The following SEMA5A variants were observed in gnomAD, a reference collection of about 807,000 sequenced individuals.
SEMA5A encodes the protein semaphorin-5A.
In SEMA5A, 55 loss-of-function variants were observed where a neutral mutation model predicts 135.5. The ratio of observed to expected loss-of-function variants is 0.41; its 90% CI spans 0.33 to 0.51. The LOEUF (loss-of-function observed/expected upper bound fraction) is 0.51, where lower values mean the gene tolerates loss of function less well. SEMA5A is among the 20% of genes least tolerant of loss of function. The probability of loss-of-function intolerance (pLI) is 0.37; values close to 1 mark genes in which losing one functional copy is unlikely to be tolerated. For synonymous variants in SEMA5A, 580 were observed against 546.5 expected (o/e 1.06, Z -0.85); for missense variants, 1,290 against 1,419.9 (o/e 0.91, Z 1.47).
chr5:9,463,523 A>C (rs1414486502), intron 1 of SEMA5A, among the ~76,000 whole-genome samples: 1 of 152,136 alleles, frequency 6.6e-6, no homozygotes, highest in East Asian at 1.9e-4. Flanking sequence ...AGCCTGAGTA[A>C]ACATAGTGAA....
intron 1 of SEMA5A, among the ~76,000 whole-genome samples, chr5:9,451,580 C>T (rs978620902): frequency 6.6e-6 from 1 of 152,140 alleles, no homozygotes; most frequent in African/African-American, 2.4e-5. Flanking sequence ...TAAGGTAAAC[C>T]ACCAAACCAT....
intron 1 of SEMA5A, chr5:9,517,946 G>A (rs376249495): frequency 6.6e-6 from 1 of 152,114 alleles, no homozygotes; most frequent in Non-Finnish European, 1.5e-5. Flanking sequence ...CAGAAGCAAC[G>A]ATTTGCCTCA....
intron 2 of SEMA5A, among the ~76,000 whole-genome samples, chr5:9,390,464 T>C (rs1756111811): frequency 6.6e-6 from 1 of 152,190 alleles, no homozygotes; most frequent in Non-Finnish European, 1.5e-5. Flanking sequence ...GGTTAAGAAA[T>C]ACAAATACCT....
chr5:9,229,876 T>C (rs1368232861), intron 6 of SEMA5A, among the ~76,000 whole-genome samples: 1 of 152,212 alleles, frequency 6.6e-6, no homozygotes, highest in Non-Finnish European at 1.5e-5. Context: ...AGCAAGGGCC[T>C]CCAGTCAATT....
At chr5:9,109,028 A>ATTTTTTTTTTTTTTTTTTTTTTTTTT (rs67762219) in intron 15 of SEMA5A, among the ~76,000 whole-genome samples, 1 of 92,440 alleles carries the variant, frequency 1.1e-5, no homozygotes, top group African/African-American at 4.6e-5. Context: ...TTTCTCTTCA[A>ATTTTTTTTTTTTTTTTTTTTTTTTTT]TTTTTTTTTT....
intron 5 of SEMA5A, among the ~76,000 whole-genome samples, chr5:9,312,680 A>G (rs925089838): frequency 2.0e-5 from 3 of 152,136 alleles, no homozygotes; most frequent in Non-Finnish European, 4.4e-5. Flanking sequence ...TTCCTGCTCA[A>G]ATCTTCACGG....
chr5:9,294,428 A>G (rs965991889), intron 5 of SEMA5A, among the ~76,000 whole-genome samples: 17 of 152,196 alleles, frequency 1.1e-4, no homozygotes, highest in African/African-American at 3.9e-4. Flanking sequence ...AGATGCCACG[A>G]GATGGATGCT....
At chr5:9,346,912 G>GTATATATATA (rs774727307) in intron 3 of SEMA5A, among the ~76,000 whole-genome samples, 275 of 150,062 alleles carry the variant, frequency 1.8e-3, no homozygotes, top group African/African-American at 6.6e-3. Flanking sequence ...GTGTGTGTGT[G>GTATATATATA]TGTATATATA....
chr5:9,108,078 T>C, intron 16 of SEMA5A, 62 bp downstream of exon 16: 2 of 1,563,634 alleles, frequency 1.3e-6, no homozygotes, highest in Admixed American at 3.6e-5. Context: ...GAATTTTGTG[T>C]GTATTGAGTC....
At position 9,442,031 on chromosome 5, in the gene SEMA5A, C is replaced by T. The variant is rs114884253; in HGVS notation, c.-174-4179G>A. Among the ~76,000 whole-genome samples, 768 of 152,262 alleles carry T rather than the reference C, an allele frequency of 5.0e-3. 11 individuals carry two copies. The highest frequency in any genetic ancestry group is 0.018 in the African/African-American group (730 of 41,558). On this transcript the variant is annotated intron_variant, in intron 1 of 22. Transcript: ENST00000382496. ...AAGGGGAGAAGCTGGGGTAAAAAGCCGCCACCAGAGAACTCCAGGTATGAG... is the reference window on the plus strand; with the variant it reads ...AAGGGGAGAAGCTGGGGTAAAAAGCTGCCACCAGAGAACTCCAGGTATGAG...
chr5:9,148,251 T>TA lies in SEMA5A; in HGVS notation c.1481+6236dup, dbSNP rs201239139. Among the ~76,000 whole-genome samples the TA allele has an allele frequency of 3.3e-5, 5 of 152,342 alleles. No homozygotes were observed. In the East Asian group the frequency reaches 9.6e-4, roughly 29 times the overall value. On this transcript the variant is annotated intron_variant, in intron 12 of 22. Coordinates refer to ENST00000382496, the MANE Select transcript of SEMA5A (RefSeq NM_003966.3). ...ACCTAATTTTCTAAATTAGTGTTATTAAGGAACATTCATTTATTCAAAAGG... is the reference window on the plus strand; with the variant it reads ...ACCTAATTTTCTAAATTAGTGTTATTAAAGGAACATTCATTTATTCAAAAGG...
intron 1 of SEMA5A, among the ~76,000 whole-genome samples, chr5:9,498,947 T>A (rs1735440550): frequency 6.6e-6 from 1 of 152,222 alleles, no homozygotes; most frequent in Non-Finnish European, 1.5e-5. Flanking sequence ...CAAACAGATA[T>A]ATTAGTTATG....
chr5:9,138,939 A>G (rs1344038610), intron 12 of SEMA5A, among the ~76,000 whole-genome samples: 5 of 152,146 alleles, frequency 3.3e-5, no homozygotes, highest in African/African-American at 1.2e-4. Context: ...ATTCCTTTTT[A>G]TGGCTGAGTA....
At chr5:9,377,392 C>A (rs1261033958) in intron 3 of SEMA5A, among the ~76,000 whole-genome samples, 1 of 152,112 alleles carries the variant, frequency 6.6e-6, no homozygotes, top group Non-Finnish European at 1.5e-5. Context: ...CCTTTGAACA[C>A]CTTTTGCTTC....
At chr5:9,197,489 T>C (rs1745459824) in intron 9 of SEMA5A, among the ~76,000 whole-genome samples, 186 bp from the exon 10 acceptor site, 1 of 152,184 alleles carries the variant, frequency 6.6e-6, no homozygotes, top group African/African-American at 2.4e-5. Flanking sequence ...AACAAACATC[T>C]TGGTACAGAA....
intron 1 of SEMA5A, among the ~76,000 whole-genome samples, chr5:9,465,965 T>C (rs771946679): frequency 5.3e-5 from 8 of 152,170 alleles, no homozygotes; most frequent in Non-Finnish European, 1.0e-4. Context: ...CGTCCAGTGT[T>C]GCTAACCACA....
intron 3 of SEMA5A, among the ~76,000 whole-genome samples, chr5:9,358,359 T>C (rs1754544617): frequency 6.6e-6 from 1 of 152,196 alleles, no homozygotes; most frequent in African/African-American, 2.4e-5. Flanking sequence ...CAGAGCTCCC[T>C]TGACTTCCCT....
chr5:9,156,515 C>T (rs548815582), intron 11 of SEMA5A, among the ~76,000 whole-genome samples: 1 of 152,296 alleles, frequency 6.6e-6, no homozygotes, highest in East Asian at 1.9e-4. Flanking sequence ...GACATCATTA[C>T]ACAAGAGGAC....
intron 9 of SEMA5A, among the ~76,000 whole-genome samples, chr5:9,199,328 A>G (rs1745579695): frequency 6.6e-6 from 1 of 152,130 alleles, no homozygotes; most frequent in Admixed American, 6.5e-5. Flanking sequence ...TTGGTATAGT[A>G]TAGCCCATGC....
Sources: allele counts gnomAD v4.1 joint callset (sites outside exome capture counted in the v4.1 genomes callset), GRCh38; gene constraint gnomAD v4.1.1; transcripts MANE v1.5; gene names NCBI Gene and HGNC (gene_info 2026-07-23, HGNC 2026-07-21).